The following NT5DC1 variants were observed in gnomAD, a reference collection of about 807,000 sequenced individuals.
NT5DC1 encodes 5'-nucleotidase domain-containing protein 1.
NT5DC1 carries 42 observed loss-of-function variants against 59.4 expected under a neutral mutation model. The observed-to-expected ratio is 0.71, with a 90% CI of 0.55 to 0.92. The LOEUF (loss-of-function observed/expected upper bound fraction) is 0.92, where lower values mean the gene tolerates loss of function less well. Among genes scored for constraint, NT5DC1 ranks in the 40% least tolerant of loss-of-function variants. The probability of loss-of-function intolerance (pLI) is 0.00; values close to 1 mark genes in which losing one functional copy is unlikely to be tolerated. For synonymous variants in NT5DC1, 172 were observed against 188.1 expected (o/e 0.91, Z 0.70); for missense variants, 501 against 537.1 (o/e 0.93, Z 0.66).
In NT5DC1 at chr6:116,239,821, C is replaced by T. The variant is rs201215159; in HGVS notation, c.1252+698C>T. Among the ~76,000 whole-genome samples, 5 of 151,914 alleles carry T rather than the reference C, an allele frequency of 3.3e-5. No homozygotes were observed. In the South Asian group the frequency reaches 1.0e-3, roughly 32 times the overall value. On this transcript the variant is annotated intron_variant, in intron 11 of 11. Coordinates refer to ENST00000319550, the MANE Select transcript of NT5DC1 (RefSeq NM_152729.3). ...AATTCAGTGCATAATGAAAAATAGC[C>T]GGGCACATAAAGATATGAGACCACA...
chr6:116,105,689 T>C (rs1218386153), intron 1 of NT5DC1, among the ~76,000 whole-genome samples: 3 of 152,212 alleles, frequency 2.0e-5, no homozygotes, highest in Non-Finnish European at 4.4e-5. Flanking sequence ...TTATTGTACT[T>C]GCTTCCAGAG....
In NT5DC1 at chr6:116,106,273, A is replaced by G; in HGVS notation, c.123A>G (p.Leu41=). The G allele has an allele frequency of 6.3e-7, 1 of 1,583,742 alleles. No homozygotes were observed. Among genetic ancestry groups the G allele is most frequent in the Non-Finnish European group, 8.7e-7 (1 of 1,153,704 alleles). Residue 41 remains leucine, a synonymous_variant, in exon 2 of 12, where the codon CTA becomes CTG. Transcript: ENST00000319550. ...PLIYNSFAQF[L]VKEKGYDKEL... ...TTTATAATAGCTTTGCCCAGTTCCTAGTTAAGGAGAAAGGGTACGATAAGG... is the reference window on the plus strand; with the variant it reads ...TTTATAATAGCTTTGCCCAGTTCCTGGTTAAGGAGAAAGGGTACGATAAGG...
At chr6:116,121,819 T>G in intron 6 of NT5DC1, 1 of 1,613,956 alleles carries the variant, frequency 6.2e-7, no homozygotes, top group Non-Finnish European at 8.5e-7. Context: ...ATGGTCCCGG[T>G]GGTCCTGGCA....
chr6:116,188,989 A>G (rs1271669191), intron 6 of NT5DC1, among the ~76,000 whole-genome samples: 1 of 151,980 alleles, frequency 6.6e-6, no homozygotes, highest in African/African-American at 2.4e-5. Flanking sequence ...GCCCCACATT[A>G]GAACTTCACT....
intron 6 of NT5DC1, among the ~76,000 whole-genome samples, chr6:116,178,595 C>CT (rs1780803710): frequency 6.6e-6 from 1 of 152,206 alleles, no homozygotes; most frequent in Non-Finnish European, 1.5e-5. Context: ...CAAGTGTTCC[C>CT]ACCTTTTACT....
At chr6:116,139,101 A>C (rs62414126) in intron 6 of NT5DC1, among the ~76,000 whole-genome samples, 11,243 of 152,198 alleles carry the variant, frequency 0.074, 603 homozygotes, top group Admixed American at 0.17. Flanking sequence ...TTTATAGCAC[A>C]ACTATTAAAA....
In NT5DC1 at chr6:116,245,639, A is replaced by G. The variant is rs1341964919; in HGVS notation, c.*1615A>G. ...CTAAATGAAAGATACTATCTCATGT[A>G]TGCTTTAAATAGAGAATTTATTTCT... On this transcript the variant is annotated 3_prime_UTR_variant, in exon 12 of 12. Coordinates refer to ENST00000319550, the MANE Select transcript of NT5DC1 (RefSeq NM_152729.3). 1 of 152,246 alleles carries G rather than the reference A, an allele frequency of 6.6e-6. No homozygotes were observed. The highest frequency in any genetic ancestry group is 6.5e-5 in the Admixed American group (1 of 15,286). The allele number at this position is 152,246 out of a possible 1,614,324, so 9.4% of individuals were successfully genotyped here. A position where few individuals can be genotyped will look rare whatever the true frequency, so the allele number is the denominator to read the frequency against.
At chr6:116,121,039 G>A in intron 6 of NT5DC1, 1 of 1,614,038 alleles carries the variant, frequency 6.2e-7, no homozygotes, top group Non-Finnish European at 8.5e-7. Flanking sequence ...CACCTTTAGG[G>A]CCTGGGAGAC....
intron 3 of NT5DC1, among the ~76,000 whole-genome samples, chr6:116,109,285 G>A (rs187033341): frequency 3.9e-5 from 6 of 152,092 alleles, no homozygotes; most frequent in Admixed American, 1.3e-4. Context: ...ACTTTCCCCC[G>A]ACCTTCCCCT....
At chr6:116,157,179 C>G (rs570945144) in intron 6 of NT5DC1, among the ~76,000 whole-genome samples, 1 of 152,098 alleles carries the variant, frequency 6.6e-6, no homozygotes, top group East Asian at 1.9e-4. Flanking sequence ...GATATTTGCC[C>G]CTTTTCCCTC....
intron 6 of NT5DC1, among the ~76,000 whole-genome samples, chr6:116,214,670 C>G (rs1052455833): frequency 6.6e-6 from 1 of 151,968 alleles, no homozygotes; most frequent in Non-Finnish European, 1.5e-5. Flanking sequence ...CATTTTGAGA[C>G]CCACTACTCT....
At chr6:116,170,023 T>C (rs1216150975) in intron 6 of NT5DC1, among the ~76,000 whole-genome samples, 5 of 152,208 alleles carry the variant, frequency 3.3e-5, no homozygotes, top group South Asian at 2.1e-4. Context: ...AGACAGTTAA[T>C]TGGCCATGGG....
intron 8 of NT5DC1, among the ~76,000 whole-genome samples, chr6:116,223,970 T>C (rs1462701055): frequency 6.6e-6 from 1 of 152,170 alleles, no homozygotes; most frequent in South Asian, 2.1e-4. Context: ...TTAAACAGAA[T>C]GATAAAATTA....
intron 6 of NT5DC1, among the ~76,000 whole-genome samples, chr6:116,131,940 C>T (rs1582822981): frequency 6.6e-6 from 1 of 152,096 alleles, no homozygotes; most frequent in Non-Finnish European, 1.5e-5. Context: ...GTGTTCTGTT[C>T]CTGTATTAGT....
At chr6:116,152,915 A>G (rs1451236764) in intron 6 of NT5DC1, among the ~76,000 whole-genome samples, 1 of 152,068 alleles carries the variant, frequency 6.6e-6, no homozygotes, top group Non-Finnish European at 1.5e-5. Flanking sequence ...GGAAAAGTAA[A>G]TTTAAATAAC....
intron 11 of NT5DC1, among the ~76,000 whole-genome samples, chr6:116,239,975 A>T (rs1198347085): frequency 4.6e-5 from 7 of 152,342 alleles, no homozygotes; most frequent in Non-Finnish European, 2.9e-5. Flanking sequence ...TTAAATATTT[A>T]AAAAATGAAA....
chr6:116,203,075 A>G (rs1781379314), intron 6 of NT5DC1, among the ~76,000 whole-genome samples: 1 of 151,998 alleles, frequency 6.6e-6, no homozygotes, highest in Admixed American at 6.6e-5. Context: ...TTTTTATGGT[A>G]GGACACAGGA....
intron 6 of NT5DC1, among the ~76,000 whole-genome samples, chr6:116,209,009 A>G (rs896900689): frequency 6.6e-6 from 1 of 152,040 alleles, no homozygotes; most frequent in Admixed American, 6.6e-5. Flanking sequence ...ATCATTTTGT[A>G]ATATTCACTC....
intron 6 of NT5DC1, among the ~76,000 whole-genome samples, chr6:116,133,651 C>G (rs1779520954): frequency 6.6e-6 from 1 of 152,042 alleles, no homozygotes; most frequent in Non-Finnish European, 1.5e-5. Flanking sequence ...ATGCTGGGCC[C>G]TTGTCTGTTT....
Sources: allele counts gnomAD v4.1 joint callset (sites outside exome capture counted in the v4.1 genomes callset), GRCh38; gene constraint gnomAD v4.1.1; transcripts MANE v1.5; gene names NCBI Gene and HGNC (gene_info 2026-07-23, HGNC 2026-07-21).